Variants in PCBP3 observed in about 807,000 individuals in gnomAD.
PCBP3 encodes the protein poly(rC) binding protein 3.
A neutral mutation model predicts 52.7 loss-of-function variants in PCBP3; 25 were observed. The ratio of observed to expected loss-of-function variants is 0.47; its 90% confidence interval spans 0.35 to 0.66. PCBP3 has a LOEUF of 0.66. PCBP3 is among the 30% of genes least tolerant of loss of function. The pLI is 0.01. For missense variants in PCBP3, 391 were observed against 490.3 expected (o/e 0.80, Z 1.91); for synonymous variants, 162 against 183.0 (o/e 0.89, Z 0.93).
intron 1 of PCBP3, among the ~76,000 whole-genome samples, chr21:45,648,791 T>C (rs1472827402): frequency 6.6e-6 from 1 of 152,258 alleles, no homozygotes; most frequent in African/African-American, 2.4e-5. Flanking sequence ...GAGCTTCTTC[T>C]AAAAATTGTA....
At chr21:45,784,341 C>CTCTAGCTCTAG (rs1569217636) in intron 4 of PCBP3, among the ~76,000 whole-genome samples, 1 of 105,238 alleles carries the variant, frequency 9.5e-6, no homozygotes, top group Non-Finnish European at 2.1e-5. Flanking sequence ...GACAGCTCTA[C>CTCTAGCTCTAG]CTCTACCTCT....
At chr21:45,646,083 T>TCTCTCTC (rs1206207801) in intron 1 of PCBP3, among the ~76,000 whole-genome samples, 10 of 99,616 alleles carry the variant, frequency 1.0e-4, no homozygotes, top group Non-Finnish European at 1.6e-4. Flanking sequence ...CTCTCTCTCT[T>TCTCTCTC]TCTCTCTCTC....
At chr21:45,911,861 G>A (rs2096401377) in intron 11 of PCBP3, among the ~76,000 whole-genome samples, 1 of 152,218 alleles carries the variant, frequency 6.6e-6, no homozygotes, top group Non-Finnish European at 1.5e-5. Context: ...ACTTTGTGAA[G>A]TGAAAAATAT....
rs375086712 is a variant in PCBP3, at chr21:45,700,658, C to T, written c.-200+31706C>T. Among the ~76,000 whole-genome samples the T allele has an allele frequency of 6.2e-4, 95 of 152,262 alleles. 1 individual carries two copies. The South Asian group carries it at 0.02, about 31-fold the overall frequency. ...AGGTATCCCGTGCATGTGAGTGAGC[C>T]AGCCAGAGAGCTCCATGTCCCGATA... On this transcript the variant is annotated intron_variant, in intron 2 of 17. Transcript: ENST00000681687.
intron 4 of PCBP3, chr21:45,828,445 A>G (rs2093362276): frequency 6.6e-6 from 1 of 152,024 alleles, no homozygotes; most frequent in Non-Finnish European, 1.5e-5. Flanking sequence ...CCCAGTATAC[A>G]TGGGTGGGAT....
intron 1 of PCBP3, among the ~76,000 whole-genome samples, chr21:45,667,560 T>G (rs1281882840): frequency 6.6e-6 from 1 of 152,188 alleles, no homozygotes; most frequent in Non-Finnish European, 1.5e-5. Flanking sequence ...GATATCTGCT[T>G]GGTGAAACAA....
intron 1 of PCBP3, among the ~76,000 whole-genome samples, chr21:45,646,107 C>CTGTGTGTGTGTGTGTGTGTG (rs765931494): frequency 1.2e-5 from 1 of 83,782 alleles, no homozygotes; most frequent in South Asian, 5.4e-4. Flanking sequence ...CTCTCTCTCT[C>CTGTGTGTGTGTGTGTGTGTG]TGTGTGTGTG....
At position 45,923,500 on chromosome 21, in the gene PCBP3, C is replaced by T. The variant is rs1005115915; in HGVS notation, c.717+5871C>T. On this transcript the variant is annotated intron_variant, in intron 13 of 17. Coordinates refer to ENST00000681687, the MANE Select transcript of PCBP3 (RefSeq NM_001384156.1). Reference sequence around the variant, plus strand: ...CACCCTCTGCAGGGCCCCAGTGGCACGGCTCTCACATGCTGTTCCTCCCAG... The same window carrying T: ...CACCCTCTGCAGGGCCCCAGTGGCATGGCTCTCACATGCTGTTCCTCCCAG... Among the ~76,000 whole-genome samples the T allele has an allele frequency of 3.3e-5, 5 of 152,210 alleles. No individual in the cohort carries two copies. The East Asian group carries it at 5.8e-4, about 18-fold the overall frequency.
At chr21:45,730,614 A>G (rs905301338) in intron 2 of PCBP3, among the ~76,000 whole-genome samples, 1 of 152,192 alleles carries the variant, frequency 6.6e-6, no homozygotes, top group Admixed American at 6.5e-5. Flanking sequence ...TTTTTACAAA[A>G]TCAGTTATTG....
intron 10 of PCBP3, among the ~76,000 whole-genome samples, chr21:45,910,456 TCACATC>T (rs2096364554): frequency 2.0e-5 from 3 of 152,082 alleles, no homozygotes; most frequent in Admixed American, 2.0e-4. Flanking sequence ...GATGTGAACT[TCACATC>T]CACACGTTTG....
At chr21:45,825,695 G>A (rs1422697915) in intron 4 of PCBP3, among the ~76,000 whole-genome samples, 4 of 152,134 alleles carry the variant, frequency 2.6e-5, no homozygotes, top group Non-Finnish European at 5.9e-5. Context: ...CTGCAATTCA[G>A]TAGGGAAATG....
intron 5 of PCBP3, among the ~76,000 whole-genome samples, chr21:45,883,690 A>C (rs548113563): frequency 6.6e-6 from 1 of 152,264 alleles, no homozygotes; most frequent in East Asian, 1.9e-4. Context: ...CGATATTAAT[A>C]TAGCCATTCC....
Position 45,924,859 on chromosome 21 carries a change from G to A in PCBP3, c.718-5058G>A, listed in dbSNP as rs555749228. On this transcript the variant is annotated intron_variant, in intron 13 of 17. Coordinates refer to ENST00000681687, the MANE Select transcript of PCBP3 (RefSeq NM_001384156.1). ...AGTCGTGTGGGTAGAAACAGCACAC[G>A]TAAGATCGGGTGTGCACGAGGAGAT... Among the ~76,000 whole-genome samples, 4 of 44,322 alleles carry A rather than the reference G, an allele frequency of 9.0e-5. 1 individual carries two copies. The highest frequency in any genetic ancestry group is 1.7e-4 in the Non-Finnish European group (4 of 23,320). The allele number at this position is 44,322 out of a possible 152,430, so 29.1% of individuals were successfully genotyped here.
intron 9 of PCBP3, among the ~76,000 whole-genome samples, chr21:45,903,517 G>A (rs1452455729): frequency 6.6e-6 from 1 of 152,104 alleles, no homozygotes; most frequent in Non-Finnish European, 1.5e-5. Context: ...GGGCCTGGTG[G>A]TGGGCGGTGT....
intron 5 of PCBP3, among the ~76,000 whole-genome samples, chr21:45,860,357 G>A (rs560286926): frequency 1.2e-3 from 176 of 152,334 alleles, no homozygotes; most frequent in Non-Finnish European, 1.4e-3. Flanking sequence ...TTATTACGTC[G>A]AAAGTTGCAT....
At chr21:45,909,160 C>A (rs551515068) in intron 9 of PCBP3, among the ~76,000 whole-genome samples, 195 bp from the exon 10 acceptor site, 1 of 152,108 alleles carries the variant, frequency 6.6e-6, no homozygotes, top group African/African-American at 2.4e-5. Context: ...GTCTGTGTGC[C>A]CTGCCAGCCT....
rs2093123864 is a variant in PCBP3 at position 45,821,165 on chromosome 21, C to G, written c.-125-28796C>G. On this transcript the variant is annotated intron_variant, in intron 4 of 17. Transcript: ENST00000681687. This position sits in a 1 kb window ranked among gnomAD's most constrained non-coding sequence, Gnocchi z 4.4. ...CATCTTTCAACTCTTGACCTGCTCCCCCTTCCCGGTTCCCACTTTTTGCCT... is the reference window on the plus strand; with the variant it reads ...CATCTTTCAACTCTTGACCTGCTCCGCCTTCCCGGTTCCCACTTTTTGCCT... 6.6e-6 allele frequency among the ~76,000 whole-genome samples: 1 copy of G among 152,158 alleles called. No individual in the cohort carries two copies. Among genetic ancestry groups the G allele is most frequent in the South Asian group, 2.1e-4 (1 of 4,826 alleles).
At chr21:45,906,681 C>A (rs2096217054) in intron 9 of PCBP3, among the ~76,000 whole-genome samples, 1 of 152,160 alleles carries the variant, frequency 6.6e-6, no homozygotes, top group African/African-American at 2.4e-5. Flanking sequence ...TGCCCAGAGC[C>A]CACACACTTG....
intron 4 of PCBP3, among the ~76,000 whole-genome samples, chr21:45,767,421 A>G (rs2145697447): frequency 6.6e-6 from 1 of 152,332 alleles, no homozygotes; most frequent in Non-Finnish European, 1.5e-5. Context: ...GTATGAATAT[A>G]CCACATCCAC....
Sources: allele counts gnomAD v4.1 joint callset (sites outside exome capture counted in the v4.1 genomes callset), GRCh38; gene constraint gnomAD v4.1.1; non-coding constraint Gnocchi (gnomAD v3.1); transcripts MANE v1.5; gene names NCBI Gene and HGNC (gene_info 2026-07-23, HGNC 2026-07-21).